CHD5: variants seen among roughly 807,000 people sequenced by gnomAD.
CHD5 encodes the protein chromodomain helicase DNA binding protein 5.
Under a neutral mutation model 230.3 loss-of-function variants are expected in CHD5, and 69 were observed. The observed-to-expected ratio is 0.30, with a 90% CI of 0.25 to 0.37. The LOEUF (loss-of-function observed/expected upper bound fraction) is 0.37. CHD5 is among the 10% of genes least tolerant of loss of function. The pLI, the probability that CHD5 is intolerant of heterozygous loss-of-function variation, is 1.00. For synonymous variants in CHD5, 1,064 were observed against 1,065.9 expected (o/e 1.00, Z 0.03); for missense variants, 1,827 against 2,622.8 (o/e 0.70, Z 6.63).
chr1:6,141,004 C>T (rs1235702584), intron 15 of CHD5, among the ~76,000 whole-genome samples: 2 of 106,946 alleles, frequency 1.9e-5, no homozygotes, highest in African/African-American at 7.5e-5. Flanking sequence ...TAATAATAGG[C>T]TGAGCGTGGT....
chr1:6,132,203 G>A (rs915586857), intron 20 of CHD5, among the ~76,000 whole-genome samples: 9 of 152,110 alleles, frequency 5.9e-5, no homozygotes, highest in African/African-American at 1.2e-4. Flanking sequence ...GAAAAGAAAG[G>A]CAGTCCCTTC....
rs540747831 is a variant in CHD5, at chr1:6,128,175, G to A, written c.3774C>T (p.Asp1258=). The change falls in exon 25 of 42, where the codon GAC becomes GAT. Residue 1258 remains aspartate (D), a synonymous_variant. Coordinates refer to ENST00000262450, the MANE Select transcript of CHD5 (RefSeq NM_015557.3). The surrounding 1 kb of genome is among the most constrained non-coding windows in gnomAD (Gnocchi z 7.8). ...DVEDSSVIHY[D]DAAISKLLDR... ...CCAGCAGCTTGGAGATGGCCGCATC[G>A]TCATAGTGGATCACACTGCTGTCCT... 2.8e-5 allele frequency: 46 copies of A among 1,614,176 alleles called. No individual in the cohort carries two copies. Among genetic ancestry groups the A allele is most frequent in the South Asian group, 2.3e-4 (21 of 91,086 alleles).
At position 6,112,232 on chromosome 1, in the gene CHD5, T is replaced by C; in HGVS notation, c.5048A>G (p.Asn1683Ser). The C allele has an allele frequency of 1.2e-6, 2 of 1,614,078 alleles. No homozygotes were observed. The highest frequency in any genetic ancestry group is 1.7e-6 in the Non-Finnish European group (2 of 1,179,972). Reference sequence around the variant, plus strand: ...CTCGTCATCTTCCTCTTTGTCACCATTTTGCTGTGTTTCAATGGGCTCCTT... The same window carrying C: ...CTCGTCATCTTCCTCTTTGTCACCACTTTGCTGTGTTTCAATGGGCTCCTT... ...EEKEPIETQQ[N>S]GDKEEDDEGK... The change falls in exon 35 of 42, where the codon AAT becomes AGT. Residue 1683 changes from asparagine to serine, a missense_variant. Physicochemically the swap from Asn to Ser is conservative, Grantham distance 46. This residue lies in a region of CHD5 where 272 missense variants were observed against 263.2 expected (regional missense o/e 1.03). Coordinates refer to ENST00000262450, the MANE Select transcript of CHD5 (RefSeq NM_015557.3).
intron 38 of CHD5, among the ~76,000 whole-genome samples, chr1:6,108,256 C>T (rs1337492306): frequency 8.2e-5 from 9 of 109,330 alleles, no homozygotes; most frequent in South Asian, 6.8e-4. Context: ...GGAGAGATGA[C>T]GGAAGGATGA....
intron 6 of CHD5, among the ~76,000 whole-genome samples, chr1:6,152,016 C>T (rs555530590): frequency 7.2e-5 from 11 of 151,986 alleles, no homozygotes; most frequent in African/African-American, 2.4e-4. Flanking sequence ...CCAGCCCCCA[C>T]CCAACTACTC....
In CHD5 at chr1:6,111,549, A is replaced by G. The variant is rs577134403; in HGVS notation, c.5249+226T>C. Among the ~76,000 whole-genome samples, 834 of 151,792 alleles carry G rather than the reference A, an allele frequency of 5.5e-3. 10 individuals carry two copies. Among genetic ancestry groups the G allele is most frequent in the African/African-American group, 0.018 (729 of 41,412 alleles). ...ACTCTATCTCAAAAAAAAAAAAAAAAAGAGAGAGCAATGTGGACCCAGACA... is the reference window on the plus strand; with the variant it reads ...ACTCTATCTCAAAAAAAAAAAAAAAGAGAGAGAGCAATGTGGACCCAGACA... On this transcript the variant is annotated intron_variant, in intron 36 of 41. Coordinates refer to ENST00000262450, the MANE Select transcript of CHD5 (RefSeq NM_015557.3).
chr1:6,176,718 G>C (rs1188325279), intron 1 of CHD5, among the ~76,000 whole-genome samples: 1 of 152,198 alleles, frequency 6.6e-6, no homozygotes, highest in African/African-American at 2.4e-5. Flanking sequence ...CTGTCTCACT[G>C]TTCCTCATAA....
chr1:6,108,813 AG>A (rs1666238968), intron 38 of CHD5, among the ~76,000 whole-genome samples: 1 of 145,378 alleles, frequency 6.9e-6, no homozygotes, highest in Non-Finnish European at 1.5e-5. Context: ...GGAAGGATGG[AG>A]GGATAAGGGA....
intron 11 of CHD5, among the ~76,000 whole-genome samples, chr1:6,145,291 CA>C (rs1290162853): frequency 6.6e-6 from 1 of 152,256 alleles, no homozygotes; most frequent in Non-Finnish European, 1.5e-5. Context: ...ACATCTGGCT[CA>C]GGCTTTTAAC....
rs541732733 is a variant in CHD5, at chr1:6,128,239, G to A, written c.3731-21C>T. 2.1e-5 allele frequency: 34 copies of A among 1,612,152 alleles called. 1 individual carries two copies. The South Asian group carries it at 3.7e-4, about 18-fold the overall frequency. On this transcript the variant is annotated intron_variant, in intron 24 of 41. Coordinates refer to ENST00000262450, the MANE Select transcript of CHD5 (RefSeq NM_015557.3). This position sits in a 1 kb window ranked among gnomAD's most constrained non-coding sequence, Gnocchi z 7.8. The stretch of plus-strand genomic sequence containing the variant: ...GTCACCTGGGGAGCAGGCAAATGCA[G>A]TGTGAGGACAAAGACTGCCCTGGTC...
chr1:6,111,897 C>T lies in CHD5; in HGVS notation c.5141-14G>A. The T allele has an allele frequency of 6.2e-7, 1 of 1,610,350 alleles. No individual in the cohort carries two copies. The highest frequency in any genetic ancestry group is 8.5e-7 in the Non-Finnish European group (1 of 1,177,566). On this transcript the variant is annotated splice_polypyrimidine_tract_variant and intron_variant, in intron 35 of 41. Coordinates refer to ENST00000262450, the MANE Select transcript of CHD5 (RefSeq NM_015557.3). Reference sequence around the variant, plus strand: ...GCGTGTGCAACTCTGGGAAACAAGCCAAGGTGAGCAGGGTGAGAAGTGCCC... The same window carrying T: ...GCGTGTGCAACTCTGGGAAACAAGCTAAGGTGAGCAGGGTGAGAAGTGCCC...
At chr1:6,114,506 A>AC in intron 33 of CHD5, among the ~76,000 whole-genome samples, 1 of 130,132 alleles carries the variant, frequency 7.7e-6, no homozygotes, top group East Asian at 2.4e-4. Flanking sequence ...ATATACACAT[A>AC]AACACACACA....
chr1:6,134,985 C>A lies in CHD5; in HGVS notation c.2871-126G>T, dbSNP rs764156641. On this transcript the variant is annotated intron_variant, in intron 18 of 41. Coordinates refer to ENST00000262450, the MANE Select transcript of CHD5 (RefSeq NM_015557.3). The surrounding 1 kb of genome is among the most constrained non-coding windows in gnomAD (Gnocchi z 6.3). Reference sequence around the variant, plus strand: ...TTTACAGAGAGACCCAAGGGACCCCCAAGAGGTGAAGCCACCGGCCTGGAG... The same window carrying A: ...TTTACAGAGAGACCCAAGGGACCCCAAAGAGGTGAAGCCACCGGCCTGGAG... 1.6e-6 allele frequency: 2 copies of A among 1,288,950 alleles called. No homozygotes were observed. The highest frequency in any genetic ancestry group is 1.5e-5 in the African/African-American group (1 of 67,220). The allele number at this position is 1,288,950 out of a possible 1,614,324, so 79.8% of individuals were successfully genotyped here. A position where few individuals can be genotyped will look rare whatever the true frequency, so the allele number is the denominator to read the frequency against.
chr1:6,175,382 G>A lies in CHD5; in HGVS notation c.79+4563C>T, dbSNP rs142106388. ...TGGATGGATGCATGGATGGATGGTG[G>A]ATGGATGCATGGATGGATGGTGGAT... On this transcript the variant is annotated intron_variant, in intron 1 of 41. Transcript: ENST00000262450. Among the ~76,000 whole-genome samples, 445 of 146,376 alleles carry A rather than the reference G, an allele frequency of 3.0e-3. 1 individual carries two copies. Among genetic ancestry groups the A allele is most frequent in the Non-Finnish European group, 4.4e-3 (300 of 67,942 alleles).
At position 6,126,930 on chromosome 1, in the gene CHD5, C is replaced by T. The variant is rs532728258; in HGVS notation, c.3904-184G>A. 1.3e-5 allele frequency among the ~76,000 whole-genome samples: 2 copies of T among 152,328 alleles called. No individual in the cohort carries two copies. The highest frequency in any genetic ancestry group is 4.1e-4 in the South Asian group (2 of 4,832). ...CTAGCTAGCTTTTCTCTCCCTGCCC[C>T]TATCCAGTCAATCATTTACTTATTC... is the stretch of plus-strand genomic sequence containing the variant. On this transcript the variant is annotated intron_variant, in intron 25 of 41. Coordinates refer to ENST00000262450, the MANE Select transcript of CHD5 (RefSeq NM_015557.3). The surrounding 1 kb of genome is among the most constrained non-coding windows in gnomAD (Gnocchi z 5.7).
rs762473182 is a variant in CHD5, at chr1:6,168,288, C to A, written c.80-11G>T. On this transcript the variant is annotated splice_polypyrimidine_tract_variant and intron_variant, in intron 1 of 41. Coordinates refer to ENST00000262450, the MANE Select transcript of CHD5 (RefSeq NM_015557.3). ...CACCATCTTCTTCTTCTGGAAAAAT[C>A]AGAAGGTGGCAGCAGTTACTCCTGA... The A allele has an allele frequency of 2.5e-5, 39 of 1,586,976 alleles. No individual in the cohort carries two copies. Among genetic ancestry groups the A allele is most frequent in the Non-Finnish European group, 3.2e-5 (37 of 1,159,644 alleles).
At position 6,135,370 on chromosome 1, in the gene CHD5, G is replaced by T. The variant is rs1165578703; in HGVS notation, c.2730C>A (p.Asp910Glu). The change falls in exon 18 of 42, where the codon GAC (aspartate) becomes GAA (glutamate). Residue 910 changes from aspartate to glutamate, a missense_variant. Asp to Glu is a conservative substitution (Grantham distance 45). This residue lies in a region of CHD5 where 52 missense variants were observed against 164.5 expected (regional missense o/e 0.32). Coordinates refer to ENST00000262450, the MANE Select transcript of CHD5 (RefSeq NM_015557.3). ...TCTTGATCTGGTCTTCCTTGGAGAT[G>T]TCAGCAAACTCCTCCAGGAAGCCCT... is the stretch of plus-strand genomic sequence containing the variant. ...NLEGFLEEFA[D>E]ISKEDQIKKL... 1 of 1,613,118 alleles carries T rather than the reference G, an allele frequency of 6.2e-7. No individual in the cohort carries two copies. Among genetic ancestry groups the T allele is most frequent in the Non-Finnish European group, 8.5e-7 (1 of 1,179,524 alleles).
At chr1:6,175,986 A>T (rs1423818301) in intron 1 of CHD5, among the ~76,000 whole-genome samples, 3 of 151,730 alleles carry the variant, frequency 2.0e-5, no homozygotes, top group African/African-American at 4.8e-5. Context: ...GGATGGGTAG[A>T]TGTGGGTGGG....
At chr1:6,106,121 AG>A (rs1666159857) in intron 41 of CHD5, 112 bp downstream of exon 41, 1 of 997,438 alleles carries the variant, frequency 1.0e-6, no homozygotes, top group Non-Finnish European at 1.5e-6. Context: ...AGGCAGTAAA[AG>A]CTCCAGGACT....
Sources: allele counts gnomAD v4.1 joint callset (sites outside exome capture counted in the v4.1 genomes callset), GRCh38; gene constraint gnomAD v4.1.1; regional missense constraint gnomAD v4.1.1; non-coding constraint Gnocchi (gnomAD v3.1); transcripts MANE v1.5; gene names NCBI Gene and HGNC (gene_info 2026-07-23, HGNC 2026-07-21).